The following CACNA1D variants were observed in gnomAD, a reference collection of about 807,000 sequenced individuals.
CACNA1D encodes the protein calcium voltage-gated channel subunit alpha1 D.
CACNA1D carries 55 observed loss-of-function variants against 257.1 expected under a neutral mutation model. The ratio of observed to expected loss-of-function variants is 0.21; its 90% CI spans 0.17 to 0.27. The LOEUF (loss-of-function observed/expected upper bound fraction) is 0.27. CACNA1D is among the 10% of genes least tolerant of loss of function. CACNA1D has a pLI of 1.00. For missense variants in CACNA1D, 1,876 were observed against 2,784.0 expected, an observed-to-expected ratio of 0.67 and a Z score of 7.34; for synonymous variants, 980 against 1,014.9, an observed-to-expected ratio of 0.97 and a Z score of 0.65.
At chr3:53,627,811 G>A (rs1453869260) in intron 3 of CACNA1D, among the ~76,000 whole-genome samples, 4 of 151,956 alleles carry the variant, frequency 2.6e-5, no homozygotes, top group African/African-American at 7.3e-5. Context: ...TCAGGAGTTC[G>A]AGACCAGCCT....
At chr3:53,561,280 G>T (rs1264397510) in intron 3 of CACNA1D, among the ~76,000 whole-genome samples, 1 of 152,104 alleles carries the variant, frequency 6.6e-6, no homozygotes, top group African/African-American at 2.4e-5. Flanking sequence ...TAATGGTATA[G>T]GTCATTGAAA....
At chr3:53,735,013 G>A (rs1464348414) in intron 19 of CACNA1D, among the ~76,000 whole-genome samples, 1 of 152,186 alleles carries the variant, frequency 6.6e-6, no homozygotes, top group Non-Finnish European at 1.5e-5. Flanking sequence ...CTTCAGTGAT[G>A]TAGACCTGGA....
intron 15 of CACNA1D, among the ~76,000 whole-genome samples, chr3:53,727,330 G>A (rs1199995295): frequency 6.6e-6 from 1 of 152,190 alleles, no homozygotes; most frequent in African/African-American, 2.4e-5. Context: ...CTGAGCGCAA[G>A]GCCAGGTGGT....
At position 53,732,929 on chromosome 3, in the gene CACNA1D, G is replaced by A. The variant is rs371739375; in HGVS notation, c.2588G>A (p.Gly863Glu). 4 of 1,613,946 alleles carry A rather than the reference G, an allele frequency of 2.5e-6. No homozygotes were observed. The highest frequency in any genetic ancestry group is 3.4e-6 in the Non-Finnish European group (4 of 1,179,880). ...GAAAAAATTGCCCCCATCCCTGAAGGGAGCGCTTTCTTCATTCTTAGCAAG... is the reference window on the plus strand; with the variant it reads ...GAAAAAATTGCCCCCATCCCTGAAGAGAGCGCTTTCTTCATTCTTAGCAAG... ...MKEKIAPIPE[G>E]SAFFILSKTN... Residue 863 changes from glycine to glutamate, a missense_variant, in exon 19 of 48, where the codon GGG becomes GAG. This residue lies in a region of CACNA1D where 271 missense variants were observed against 425.5 expected (regional missense o/e 0.64). Coordinates refer to ENST00000350061, the MANE Select transcript of CACNA1D (RefSeq NM_001128840.3).
intron 9 of CACNA1D, among the ~76,000 whole-genome samples, chr3:53,715,237 C>G (rs576228388): frequency 6.6e-6 from 1 of 152,114 alleles, no homozygotes; most frequent in Non-Finnish European, 1.5e-5. Flanking sequence ...TCTTTCTTTC[C>G]GTCTGCCTCT....
chr3:53,810,051 C>T lies in CACNA1D; in HGVS notation c.5945C>T (p.Ala1982Val). ...CCGAGTCACTCGACCCGGTCGTGGG[C>T]CACCCCTCCAGCAACCCCTCCCTAC... ...YSPSHSTRSW[A>V]TPPATPPYRD... Residue 1982 changes from alanine (A) to valine (V), a missense_variant, in exon 47 of 48, where the codon GCC becomes GTC. Transcript: ENST00000350061. 2.5e-6 allele frequency: 4 copies of T among 1,613,986 alleles called. No homozygotes were observed. The highest frequency in any genetic ancestry group is 3.4e-6 in the Non-Finnish European group (4 of 1,180,004).
intron 38 of CACNA1D, 54 bp downstream of exon 38, chr3:53,780,182 A>C: frequency 7.4e-7 from 1 of 1,353,978 alleles, no homozygotes. Context: ...GAGACATCAC[A>C]TCCCATCTTG....
At chr3:53,534,631 C>T (rs942041131) in intron 3 of CACNA1D, among the ~76,000 whole-genome samples, 1 of 152,186 alleles carries the variant, frequency 6.6e-6, no homozygotes, top group African/African-American at 2.4e-5. Context: ...CTGTGACCCA[C>T]GCCCTTCCCA....
At chr3:53,580,796 T>A in intron 3 of CACNA1D, among the ~76,000 whole-genome samples, 1 of 152,260 alleles carries the variant, frequency 6.6e-6, no homozygotes, top group Admixed American at 6.5e-5. Context: ...TTGCTTAAAG[T>A]AGCCATGTAT....
intron 37 of CACNA1D, among the ~76,000 whole-genome samples, chr3:53,779,209 A>G (rs1283572118): frequency 5.3e-5 from 8 of 152,180 alleles, no homozygotes; most frequent in African/African-American, 1.9e-4. Flanking sequence ...AGATTAGTGA[A>G]AAAAAGGAGA....
At chr3:53,722,540 T>G in intron 12 of CACNA1D, 66 bp downstream of exon 12, 1 of 1,488,762 alleles carries the variant, frequency 6.7e-7, no homozygotes, top group Non-Finnish European at 9.4e-7. Flanking sequence ...CAACTGCCAT[T>G]TGGTCTTATC....
Position 53,800,975 on chromosome 3 carries a change from C to T in CACNA1D, c.5041-83C>T, listed in dbSNP as rs1190073505. 7.1e-7 allele frequency: 1 copy of T among 1,408,536 alleles called. No individual in the cohort carries two copies. The highest frequency in any genetic ancestry group is 2.3e-5 in the East Asian group (1 of 43,942). 87.3% of individuals were successfully genotyped at this position (1,408,536 alleles called of 1,614,324 possible). On this transcript the variant is annotated intron_variant, in intron 41 of 47. Transcript: ENST00000350061. The surrounding 1 kb of genome is among the most constrained non-coding windows in gnomAD (Gnocchi z 4.3). ...CGGAGCTTGCCTAGAATTTGTTTTT[C>T]ATGTAGAAAAAGTTACCTAACATAG...
At chr3:53,666,278 C>T in intron 6 of CACNA1D, 61 bp from the exon 7 acceptor site, 1 of 1,532,384 alleles carries the variant, frequency 6.5e-7, no homozygotes, top group South Asian at 1.1e-5. Flanking sequence ...TCACCTTCCG[C>T]TGGCTTGGAT....
chr3:53,769,233 GC>G (rs1420172052), intron 30 of CACNA1D, among the ~76,000 whole-genome samples: 1 of 152,206 alleles, frequency 6.6e-6, no homozygotes, highest in Non-Finnish European at 1.5e-5. Context: ...GCATCCTGGG[GC>G]CGAGGGACAG....
intron 29 of CACNA1D, among the ~76,000 whole-genome samples, chr3:53,761,387 A>G (rs1327462436): frequency 2.2e-4 from 34 of 152,140 alleles, no homozygotes; most frequent in Admixed American, 2.2e-3. Flanking sequence ...GCTGTGCCTC[A>G]CGGTGCCTGT....
intron 3 of CACNA1D, among the ~76,000 whole-genome samples, chr3:53,586,298 G>GTGTGTT (rs1323413883): frequency 6.6e-6 from 1 of 151,624 alleles, no homozygotes; most frequent in East Asian, 1.9e-4. Context: ...GTGTGTGTGT[G>GTGTGTT]TGTGTGTGTG....
chr3:53,562,245 A>G (rs1022094770), intron 3 of CACNA1D, among the ~76,000 whole-genome samples: 1 of 145,714 alleles, frequency 6.9e-6, no homozygotes, highest in African/African-American at 2.4e-5. Flanking sequence ...TATCACAATG[A>G]AGAATTATCC....
intron 9 of CACNA1D, among the ~76,000 whole-genome samples, chr3:53,708,397 G>T (rs1336955526): frequency 6.6e-6 from 1 of 152,246 alleles, no homozygotes; most frequent in Non-Finnish European, 1.5e-5. Flanking sequence ...AGCTGGAAGT[G>T]CTTTCACTGG....
intron 29 of CACNA1D, among the ~76,000 whole-genome samples, chr3:53,757,634 A>G (rs1300605819): frequency 6.6e-6 from 1 of 152,154 alleles, no homozygotes; most frequent in African/African-American, 2.4e-5. Context: ...TCTTAGTCGA[A>G]TATTCAAAGT....
Sources: gnomAD v4.1 joint callset for allele counts (sites outside exome capture counted in the v4.1 genomes callset) on GRCh38, gnomAD v4.1.1 for gene constraint, gnomAD v4.1.1 regional missense constraint, Gnocchi (gnomAD v3.1) non-coding constraint, MANE v1.5 for transcripts, NCBI Gene and HGNC (gene_info 2026-07-23, HGNC 2026-07-21) for gene names.